Variants in SULF2 observed in about 807,000 individuals in gnomAD.
SULF2 encodes the protein extracellular sulfatase Sulf-2.
SULF2 carries 52 observed loss-of-function variants against 107.7 expected under a neutral mutation model. The ratio of observed to expected loss-of-function variants is 0.48; its 90% confidence interval spans 0.39 to 0.61. SULF2 has a LOEUF of 0.61. SULF2 is among the 20% of genes least tolerant of loss of function. The probability of loss-of-function intolerance (pLI) is 0.00; values close to 1 mark genes in which losing one functional copy is unlikely to be tolerated. For synonymous variants in SULF2, 460 were observed against 464.3 expected (o/e 0.99, Z 0.12); for missense variants, 993 against 1,177.3 (o/e 0.84, Z 2.29).
At position 47,736,612 on chromosome 20, in the gene SULF2, A is replaced by G. The variant is rs1817164463; in HGVS notation, c.415+91T>C. 6 of 1,535,350 alleles carry G rather than the reference A, an allele frequency of 3.9e-6. No individual in the cohort carries two copies. The South Asian group carries it at 7.3e-5, about 19-fold the overall frequency. On this transcript the variant is annotated intron_variant, in intron 3 of 20. Coordinates refer to ENST00000688720, the MANE Select transcript of SULF2 (RefSeq NM_001387048.1). ...TTGCTCTAGGGGCTATCCAGAATCAACTTGGGTACCGCAGTGGTGTGCAGA... is the reference window on the plus strand; with the variant it reads ...TTGCTCTAGGGGCTATCCAGAATCAGCTTGGGTACCGCAGTGGTGTGCAGA...
At chr20:47,661,715 A>C in intron 18 of SULF2, 58 bp downstream of exon 18, 1 of 1,410,144 alleles carries the variant, frequency 7.1e-7, no homozygotes. Context: ...CCACCTCCTG[A>C]GTCCCTTCCT....
intron 1 of SULF2, among the ~76,000 whole-genome samples, chr20:47,771,374 A>G (rs1301472666): frequency 6.7e-6 from 1 of 150,332 alleles, no homozygotes; most frequent in East Asian, 2.2e-4. Flanking sequence ...TATTCTAGAT[A>G]ACACATCTGC....
intron 4 of SULF2, among the ~76,000 whole-genome samples, chr20:47,698,042 T>C (rs1191398848): frequency 1.3e-5 from 2 of 152,218 alleles, no homozygotes; most frequent in Non-Finnish European, 2.9e-5. Context: ...AGGCCTACTA[T>C]GTGCAGAATG....
Position 47,733,688 on chromosome 20 carries a change from G to A in SULF2, c.415+3015C>T, listed in dbSNP as rs1384437196. ...TTCAGGAGGCTGAGACAGGAGAATC[G>A]CTTGAACCCAGGAGGCAGAGGTTGT... On this transcript the variant is annotated intron_variant, in intron 3 of 20. Coordinates refer to ENST00000688720, the MANE Select transcript of SULF2 (RefSeq NM_001387048.1). 6.6e-5 allele frequency among the ~76,000 whole-genome samples: 10 copies of A among 152,168 alleles called. No homozygotes were observed. The East Asian group carries it at 1.5e-3, about 23-fold the overall frequency.
chr20:47,687,311 G>A (rs1435999780), intron 5 of SULF2, among the ~76,000 whole-genome samples: 1 of 152,158 alleles, frequency 6.6e-6, no homozygotes, highest in African/African-American at 2.4e-5. Flanking sequence ...GCTCCCCCAG[G>A]GAGGATGTCG....
chr20:47,701,055 GC>G (rs1408231666), intron 4 of SULF2, among the ~76,000 whole-genome samples: 5 of 152,208 alleles, frequency 3.3e-5, no homozygotes, highest in African/African-American at 1.2e-4. Context: ...GATGTTCACG[GC>G]AGCTTAGTTT....
intron 3 of SULF2, among the ~76,000 whole-genome samples, chr20:47,732,241 C>T (rs1426869036): frequency 6.6e-6 from 1 of 151,700 alleles, no homozygotes; most frequent in Non-Finnish European, 1.5e-5. Flanking sequence ...ATGTACCAGA[C>T]ACTGTTCTAA....
intron 1 of SULF2, among the ~76,000 whole-genome samples, chr20:47,772,959 G>A (rs1396153015): frequency 2.6e-5 from 4 of 152,068 alleles, no homozygotes; most frequent in African/African-American, 9.7e-5. Context: ...TCCAAGGGTC[G>A]GGCAGGAGAC....
At chr20:47,659,790 A>C (rs1262782475) in intron 18 of SULF2, 60 bp from the exon 19 acceptor site, 2 of 1,313,574 alleles carry the variant, frequency 1.5e-6, no homozygotes, top group East Asian at 4.6e-5. Flanking sequence ...AAACAACCCC[A>C]ACACACCAGA....
chr20:47,738,753 C>T (rs999796288), intron 2 of SULF2, among the ~76,000 whole-genome samples: 7 of 152,208 alleles, frequency 4.6e-5, no homozygotes, highest in African/African-American at 1.7e-4. Context: ...GCCTCCCCAG[C>T]CACATGGAAC....
chr20:47,786,451 C>T (rs981580713), upstream of SULF2: 1 of 152,186 alleles, frequency 6.6e-6, no homozygotes, highest in Non-Finnish European at 1.5e-5. Flanking sequence ...CCGAAAGCCT[C>T]GCGCTCGCCT....
chr20:47,745,220 G>C (rs565319792), intron 2 of SULF2, among the ~76,000 whole-genome samples: 2 of 151,348 alleles, frequency 1.3e-5, no homozygotes, highest in South Asian at 4.2e-4. Flanking sequence ...GGATGAAAAA[G>C]GTTTTCAGTC....
In SULF2 at chr20:47,785,442, C is replaced by CGCCGCCGCT. The variant is rs1555871378; in HGVS notation, c.-201_-200insAGCGGCGGC. 4 of 149,962 alleles carry CGCCGCCGCT rather than the reference C, an allele frequency of 2.7e-5. No homozygotes were observed. Among genetic ancestry groups the CGCCGCCGCT allele is most frequent in the East Asian group, 1.9e-4 (1 of 5,328 alleles). 9.3% of individuals were successfully genotyped at this position (149,962 alleles called of 1,614,324 possible). The stretch of plus-strand genomic sequence containing the variant: ...CTGGGCGCAGGGGACTCCGCGCCGC[C>CGCCGCCGCT]GCTGCCGCTGCCGCCGCCGCCGCCG... On this transcript the variant is annotated 5_prime_UTR_variant, in exon 1 of 21. Coordinates refer to ENST00000688720, the MANE Select transcript of SULF2 (RefSeq NM_001387048.1).
In SULF2 at chr20:47,678,870, G is replaced by T. The variant is rs1019922425; in HGVS notation, c.1065-66C>A. The T allele has an allele frequency of 2.8e-6, 4 of 1,421,860 alleles. No homozygotes were observed. The highest frequency in any genetic ancestry group is 2.8e-5 in the African/African-American group (2 of 71,632). 88.1% of individuals were successfully genotyped at this position (1,421,860 alleles called of 1,614,324 possible). A position where few individuals can be genotyped will look rare whatever the true frequency, so the allele number is the denominator to read the frequency against. On this transcript the variant is annotated intron_variant, in intron 7 of 20. Coordinates refer to ENST00000688720, the MANE Select transcript of SULF2 (RefSeq NM_001387048.1). The surrounding 1 kb of genome is among the most constrained non-coding windows in gnomAD (Gnocchi z 4.5). The stretch of plus-strand genomic sequence containing the variant: ...GTGGTGCCTCAGCCTCGCGTGGGGG[G>T]TGGGGAGCGGTAGGTGGGCAGCAGT...
chr20:47,695,962 T>TATATACCATTTTGTAAAA (rs2088362051), intron 4 of SULF2, among the ~76,000 whole-genome samples: 3 of 152,196 alleles, frequency 2.0e-5, no homozygotes, highest in Non-Finnish European at 4.4e-5. Context: ...ATATACCATG[T>TATATACCATTTTGTAAAA]GAAAAATGCT....
In SULF2 at chr20:47,661,872, C is replaced by T; in HGVS notation, c.2395G>A (p.Asp799Asn). 6.3e-7 allele frequency: 1 copy of T among 1,584,134 alleles called. No homozygotes were observed. Among genetic ancestry groups the T allele is most frequent in the Non-Finnish European group, 8.6e-7 (1 of 1,159,848 alleles). Residue 799 changes from aspartate (D) to asparagine (N), a missense_variant, in exon 18 of 21, where the codon GAC (aspartate) becomes AAC (asparagine). By Grantham distance (23) the Asp-to-Asn change is conservative. Coordinates refer to ENST00000688720, the MANE Select transcript of SULF2 (RefSeq NM_001387048.1). ...YQLMNAVNTL[D>N]RDVLNQLHVQ... ...TGTAGCTGGTTGAGGACATCCCTGT[C>T]CAGTGTGTTCACTGCATTCATCAGC... is the stretch of plus-strand genomic sequence containing the variant.
At chr20:47,768,121 C>G (rs1476788165) in intron 1 of SULF2, among the ~76,000 whole-genome samples, 2 of 152,194 alleles carry the variant, frequency 1.3e-5, no homozygotes, top group Non-Finnish European at 2.9e-5. Flanking sequence ...GTCTTTACAA[C>G]TGGCTAACTC....
chr20:47,661,721 T>C (rs1052778889), intron 18 of SULF2, 52 bp downstream of exon 18: 3 of 1,425,672 alleles, frequency 2.1e-6, no homozygotes, highest in Non-Finnish European at 2.8e-6. Context: ...CCTGAGTCCC[T>C]TCCTTTGGTT....
intron 1 of SULF2, among the ~76,000 whole-genome samples, chr20:47,765,941 G>C (rs959694178): frequency 1.3e-5 from 2 of 152,228 alleles, no homozygotes; most frequent in African/African-American, 4.8e-5. Flanking sequence ...GGGCTTCCTG[G>C]AGGAGTACTT....
Sources: gnomAD v4.1 joint callset for allele counts (sites outside exome capture counted in the v4.1 genomes callset) on GRCh38, gnomAD v4.1.1 for gene constraint, Gnocchi (gnomAD v3.1) non-coding constraint, MANE v1.5 for transcripts, NCBI Gene and HGNC (gene_info 2026-07-23, HGNC 2026-07-21) for gene names.